The following ATXN7 variants were observed in gnomAD, a reference collection of about 807,000 sequenced individuals.
ATXN7 encodes ataxin 7.
Under a neutral mutation model 70.5 loss-of-function variants are expected in ATXN7, and 12 were observed. That is an observed-to-expected ratio of 0.17 (90% CI 0.11 to 0.28). The LOEUF (loss-of-function observed/expected upper bound fraction) is 0.28, where lower values mean the gene tolerates loss of function less well. ATXN7 is among the 10% of genes least tolerant of loss of function. The pLI is 1.00. For synonymous variants in ATXN7, 498 were observed against 448.7 expected (o/e 1.11, Z -1.39); for missense variants, 1,256 against 1,131.7 (o/e 1.11, Z -1.58).
At chr3:63,912,976 C>T in intron 3 of ATXN7, 53 bp downstream of exon 3, 1 of 1,233,982 alleles carries the variant, frequency 8.1e-7, no homozygotes, top group Non-Finnish European at 1.1e-6. Context: ...CCCCTCCTCT[C>T]TCCTCCCCTC....
intron 2 of ATXN7, chr3:63,900,990 G>A (rs1703617730): frequency 6.6e-6 from 1 of 152,154 alleles, no homozygotes; most frequent in Non-Finnish European, 1.5e-5. Context: ...CAGATTGTAG[G>A]CCCGATATCT....
intron 4 of ATXN7, among the ~76,000 whole-genome samples, chr3:63,929,550 C>T (rs1465120826): frequency 7.2e-5 from 11 of 152,238 alleles, no homozygotes; most frequent in Admixed American, 5.2e-4. Context: ...GGATTACAGG[C>T]GTGAGCCACT....
Position 63,999,605 on chromosome 3 carries a change from CGGGCTGTTGTTTTAACGA to C in ATXN7, c.*141_*158del, listed in dbSNP as rs1553696481. 2 of 1,474,266 alleles carry C rather than the reference CGGGCTGTTGTTTTAACGA, an allele frequency of 1.4e-6. No individual in the cohort carries two copies. Among genetic ancestry groups the C allele is most frequent in the Non-Finnish European group, 1.9e-6 (2 of 1,075,682 alleles). The allele number at this position is 1,474,266 out of a possible 1,614,324, so 91.3% of individuals were successfully genotyped here. A position where few individuals can be genotyped will look rare whatever the true frequency, so the allele number is the denominator to read the frequency against. On this transcript the variant is annotated 3_prime_UTR_variant, in exon 13 of 13. Transcript: ENST00000674280. ...GTGGGCCTCAAGGGTAGAAACCTGCCGGGCTGTTGTTTTAACGAGGATTTCCCTGAAGCTATGTCTCTA... is the reference window on the plus strand; with the variant it reads ...GTGGGCCTCAAGGGTAGAAACCTGCCGGATTTCCCTGAAGCTATGTCTCTA...
intron 1 of ATXN7, among the ~76,000 whole-genome samples, chr3:63,894,531 G>A (rs139715869): frequency 6.6e-6 from 1 of 152,084 alleles, no homozygotes; most frequent in Non-Finnish European, 1.5e-5. Flanking sequence ...AATGTGTTTT[G>A]TTTTGTTTTT....
At chr3:63,954,707 T>TG (rs1559644889) in intron 5 of ATXN7, among the ~76,000 whole-genome samples, 5 of 145,660 alleles carry the variant, frequency 3.4e-5, no homozygotes, top group African/African-American at 5.3e-5. Flanking sequence ...GTGTTTTTTT[T>TG]TTTGTTTTTT....
At chr3:63,989,944 G>A (rs961874865) in intron 9 of ATXN7, among the ~76,000 whole-genome samples, 1 of 152,152 alleles carries the variant, frequency 6.6e-6, no homozygotes, top group Non-Finnish European at 1.5e-5. Flanking sequence ...GAAAGGATTC[G>A]TTCTAAGTTA....
intron 4 of ATXN7, among the ~76,000 whole-genome samples, chr3:63,933,916 T>G (rs971073213): frequency 6.6e-6 from 1 of 151,862 alleles, no homozygotes; most frequent in Non-Finnish European, 1.5e-5. Flanking sequence ...CTCTTTTCTG[T>G]TGTTTTTTTT....
chr3:63,991,296 C>A, intron 11 of ATXN7, among the ~76,000 whole-genome samples: 1 of 118,828 alleles, frequency 8.4e-6, no homozygotes, highest in African/African-American at 3.2e-5. Flanking sequence ...CCCCCCACCC[C>A]TGGTTTTTTT....
At chr3:63,928,087 G>A (rs1227658839) in intron 4 of ATXN7, among the ~76,000 whole-genome samples, 1 of 152,192 alleles carries the variant, frequency 6.6e-6, no homozygotes, top group African/African-American at 2.4e-5. Context: ...GGTAGTCTTT[G>A]TAGAAATTTC....
chr3:63,898,854 C>T (rs1703524444), intron 2 of ATXN7, among the ~76,000 whole-genome samples: 1 of 152,106 alleles, frequency 6.6e-6, no homozygotes, highest in Non-Finnish European at 1.5e-5. Flanking sequence ...CAGCACCATT[C>T]CCCCAGCTCC....
rs528825680 is a variant in ATXN7, at chr3:63,870,213, A to G, written c.-111+6055A>G. On this transcript the variant is annotated intron_variant, in intron 1 of 12. Coordinates refer to ENST00000674280, the MANE Select transcript of ATXN7 (RefSeq NM_001377405.1). Reference sequence around the variant, plus strand: ...AACACTGACATTTGAATTTCATGCAATTTTTATGTGTCACGTCATATTTTA... The same window carrying G: ...AACACTGACATTTGAATTTCATGCAGTTTTTATGTGTCACGTCATATTTTA... 5.9e-5 allele frequency among the ~76,000 whole-genome samples: 9 copies of G among 152,288 alleles called. No individual in the cohort carries two copies. In the South Asian group the frequency reaches 6.2e-4, roughly 11 times the overall value.
chr3:63,996,528 CCCTT>C, intron 12 of ATXN7, 45 bp downstream of exon 12: 8 of 1,578,956 alleles, frequency 5.1e-6, no homozygotes, highest in Non-Finnish European at 6.0e-6. Flanking sequence ...CATTTCTTCT[CCCTT>C]AAGATCTTTT....
At chr3:63,960,734 T>C (rs2075115254) in intron 5 of ATXN7, among the ~76,000 whole-genome samples, 1 of 152,202 alleles carries the variant, frequency 6.6e-6, no homozygotes, top group African/African-American at 2.4e-5. Context: ...TGGGCATTTA[T>C]TTTTAATGAG....
chr3:63,887,564 G>T (rs1213908947), intron 1 of ATXN7, among the ~76,000 whole-genome samples: 3 of 151,988 alleles, frequency 2.0e-5, no homozygotes, highest in Non-Finnish European at 1.5e-5. Context: ...CTGTTAGATG[G>T]ATCTCTGTTT....
chr3:63,951,140 A>G (rs1237743744), intron 4 of ATXN7, among the ~76,000 whole-genome samples: 1 of 152,186 alleles, frequency 6.6e-6, no homozygotes, highest in Admixed American at 6.5e-5. Context: ...CTGCAAGTAC[A>G]TCCCCAAATC....
At chr3:63,997,860 TG>T in intron 12 of ATXN7, 1 of 985,394 alleles carries the variant, frequency 1.0e-6, no homozygotes, top group Non-Finnish European at 1.2e-6. Context: ...GCCAAAGGTA[TG>T]GGGAAAATAT....
chr3:63,968,111 T>C (rs2106713481), intron 5 of ATXN7: 3 of 675,902 alleles, frequency 4.4e-6, no homozygotes, highest in East Asian at 5.7e-5. Flanking sequence ...TATGCAGGCC[T>C]TTTTCCTCCT....
rs2075615540 is a variant in ATXN7 at position 63,988,539 on chromosome 3, T to C, written c.1361+215T>C. On this transcript the variant is annotated intron_variant, in intron 9 of 12. Coordinates refer to ENST00000674280, the MANE Select transcript of ATXN7 (RefSeq NM_001377405.1). ...TTGGTTGTAAATGCAAGCAGCAAAATAAAGCTAGAGTTATCTGCTCTATAC... is the reference window on the plus strand; with the variant it reads ...TTGGTTGTAAATGCAAGCAGCAAAACAAAGCTAGAGTTATCTGCTCTATAC... The C allele has an allele frequency of 1.1e-5, 7 of 615,040 alleles. No homozygotes were observed. The South Asian group carries it at 1.2e-4, about 11-fold the overall frequency. The allele number at this position is 615,040 out of a possible 1,614,324, so 38.1% of individuals were successfully genotyped here. A position where few individuals can be genotyped will look rare whatever the true frequency, so the allele number is the denominator to read the frequency against.
At chr3:63,912,977 T>A in intron 3 of ATXN7, 54 bp downstream of exon 3, 5 of 873,772 alleles carry the variant, frequency 5.7e-6, no homozygotes, top group Non-Finnish European at 7.3e-6. Context: ...CCCTCCTCTC[T>A]CCTCCCCTCC....
Sources: gnomAD v4.1 joint callset for allele counts (sites outside exome capture counted in the v4.1 genomes callset) on GRCh38, gnomAD v4.1.1 for gene constraint, MANE v1.5 for transcripts, NCBI Gene and HGNC (gene_info 2026-07-23, HGNC 2026-07-21) for gene names.